The following TAF2 variants were observed in gnomAD, a reference collection of about 807,000 sequenced individuals.
The protein encoded by TAF2 is TATA-box binding protein associated factor 2, also known as transcription initiation factor TFIID subunit 2.
A neutral mutation model predicts 138.5 loss-of-function variants in TAF2; 61 were observed. That is an observed-to-expected ratio of 0.44 (90% CI 0.36 to 0.54). TAF2 has a LOEUF of 0.54. Among genes scored for constraint, TAF2 ranks in the 20% least tolerant of loss-of-function variants. TAF2 has a pLI of 0.00. For synonymous variants in TAF2, 475 were observed against 469.9 expected (o/e 1.01, Z -0.14); for missense variants, 1,090 against 1,427.9 (o/e 0.76, Z 3.81).
Position 119,767,966 on chromosome 8 carries a change from C to T in TAF2, c.2365-5358G>A, listed in dbSNP as rs1031707490. On this transcript the variant is annotated intron_variant, in intron 18 of 25. Coordinates refer to ENST00000378164, the MANE Select transcript of TAF2 (RefSeq NM_003184.4). ...TCGAGGCCAGGGAGAGAGGGGGAGG[C>T]TGAGCACGTTTGCATGTCCCCAACA... Among the ~76,000 whole-genome samples, 4 of 152,206 alleles carry T rather than the reference C, an allele frequency of 2.6e-5. No homozygotes were observed. The East Asian group carries it at 7.7e-4, about 29-fold the overall frequency.
chr8:119,746,609 G>C, intron 23 of TAF2, 96 bp downstream of exon 23: 1 of 1,263,952 alleles, frequency 7.9e-7, no homozygotes, highest in Non-Finnish European at 1.2e-6. Context: ...AACTGTGTTA[G>C]TGGCTATAAA....
chr8:119,806,422 A>G, intron 3 of TAF2, 21 bp from the exon 4 acceptor site: 3 of 1,564,456 alleles, frequency 1.9e-6, no homozygotes, highest in Non-Finnish European at 2.6e-6. Context: ...AAAAGAGCCA[A>G]CTTTTAATAA....
At position 119,765,655 on chromosome 8, in the gene TAF2, A is replaced by AT. The variant is rs1394330880; in HGVS notation, c.2365-3048dup. Among the ~76,000 whole-genome samples, 3 of 152,178 alleles carry AT rather than the reference A, an allele frequency of 2.0e-5. No individual in the cohort carries two copies. The East Asian group carries it at 5.8e-4, about 29-fold the overall frequency. Reference sequence around the variant, plus strand: ...GTCTTTGAAGGTTTTTAAGAAGGGAATTTTTTTAAGGAGGAAAGAAATTCA... The same window carrying AT: ...GTCTTTGAAGGTTTTTAAGAAGGGAATTTTTTTTAAGGAGGAAAGAAATTCA... On this transcript the variant is annotated intron_variant, in intron 18 of 25. Coordinates refer to ENST00000378164, the MANE Select transcript of TAF2 (RefSeq NM_003184.4).
intron 22 of TAF2, among the ~76,000 whole-genome samples, chr8:119,750,327 T>C (rs1820264262): frequency 6.6e-6 from 1 of 151,996 alleles, no homozygotes; most frequent in African/African-American, 2.4e-5. Flanking sequence ...GGTGACAGAG[T>C]GAGACTCCGT....
chr8:119,787,074 A>C (rs1303854000), intron 14 of TAF2, among the ~76,000 whole-genome samples: 3 of 152,204 alleles, frequency 2.0e-5, no homozygotes. Flanking sequence ...GAAACTAAAG[A>C]GTTTCTGCAC....
chr8:119,764,723 A>G (rs1586360433), intron 18 of TAF2, among the ~76,000 whole-genome samples: 2 of 152,200 alleles, frequency 1.3e-5, no homozygotes, highest in Non-Finnish European at 2.9e-5. Context: ...AGTAGAAAGA[A>G]GTATAAAGGA....
rs930640419 is a variant in TAF2, at chr8:119,772,855, T to C, written c.2364+5164A>G. Among the ~76,000 whole-genome samples, 137 of 151,564 alleles carry C rather than the reference T, an allele frequency of 9.0e-4. 1 individual carries two copies. The highest frequency in any genetic ancestry group is 3.1e-3 in the African/African-American group (128 of 41,436). ...AGGAGGCTGAGGCAGGAGAATCACT[T>C]GAACCCAGGAGGTGGAGGTTGCAGT... On this transcript the variant is annotated intron_variant, in intron 18 of 25. Coordinates refer to ENST00000378164, the MANE Select transcript of TAF2 (RefSeq NM_003184.4).
chr8:119,798,875 ACT>A lies in TAF2; in HGVS notation c.793-1031_793-1030del, dbSNP rs1290264716. ...GGCCCAAATTTGTATCATGATTAAC[ACT>A]CTGTTTGTATTAATCATATTTAATC... On this transcript the variant is annotated intron_variant, in intron 6 of 25. Coordinates refer to ENST00000378164, the MANE Select transcript of TAF2 (RefSeq NM_003184.4). 5.9e-5 allele frequency among the ~76,000 whole-genome samples: 9 copies of A among 152,140 alleles called. No individual in the cohort carries two copies. In the South Asian group the frequency reaches 6.2e-4, roughly 11 times the overall value.
intron 3 of TAF2, among the ~76,000 whole-genome samples, chr8:119,814,399 C>T (rs1460731355): frequency 1.3e-5 from 2 of 151,682 alleles, no homozygotes; most frequent in Admixed American, 6.6e-5. Flanking sequence ...TAATTTTAAA[C>T]TCCATGTAGA....
chr8:119,831,842 T>C (rs942734163), intron 1 of TAF2, 111 bp from the exon 2 acceptor site: 10 of 712,170 alleles, frequency 1.4e-5, no homozygotes, highest in South Asian at 2.3e-5. Flanking sequence ...TAATTCAAAA[T>C]TACATGTCAA....
chr8:119,763,657 G>A (rs1320960568), intron 18 of TAF2, among the ~76,000 whole-genome samples: 1 of 152,096 alleles, frequency 6.6e-6, no homozygotes, highest in Non-Finnish European at 1.5e-5. Flanking sequence ...TTGAACCCAG[G>A]AGACGGAGGT....
chr8:119,821,288 G>A (rs1313501724), intron 2 of TAF2, among the ~76,000 whole-genome samples: 1 of 152,112 alleles, frequency 6.6e-6, no homozygotes, highest in Non-Finnish European at 1.5e-5. Context: ...GGGTCATCTA[G>A]CTTCTCACTC....
intron 18 of TAF2, among the ~76,000 whole-genome samples, chr8:119,776,219 T>C (rs562537930): frequency 5.9e-5 from 9 of 152,178 alleles, no homozygotes; most frequent in African/African-American, 1.9e-4. Context: ...AATGAATTAA[T>C]GTATTCTTTT....
chr8:119,737,547 C>T (rs1480968457), intron 25 of TAF2, among the ~76,000 whole-genome samples: 2 of 143,378 alleles, frequency 1.4e-5, no homozygotes, highest in Non-Finnish European at 1.5e-5. Context: ...CTCACTCTGT[C>T]GCCCAGGCTG....
chr8:119,756,326 C>A (rs1416329585), intron 21 of TAF2, among the ~76,000 whole-genome samples: 2 of 152,040 alleles, frequency 1.3e-5, no homozygotes, highest in African/African-American at 4.8e-5. Flanking sequence ...TTCACTAAAA[C>A]ACTCTGGGGT....
chr8:119,777,252 G>A (rs1223486305), intron 18 of TAF2, among the ~76,000 whole-genome samples: 1 of 152,142 alleles, frequency 6.6e-6, no homozygotes, highest in Non-Finnish European at 1.5e-5. Context: ...CATGGATATT[G>A]AGAGATGACT....
At chr8:119,827,681 G>A (rs1016194953) in intron 2 of TAF2, among the ~76,000 whole-genome samples, 1 of 151,946 alleles carries the variant, frequency 6.6e-6, no homozygotes, top group Non-Finnish European at 1.5e-5. Context: ...GAACCAAGGG[G>A]TGAAAGTTGG....
intron 2 of TAF2, among the ~76,000 whole-genome samples, chr8:119,823,248 C>A (rs1167090624): frequency 6.6e-6 from 1 of 152,170 alleles, no homozygotes; most frequent in Non-Finnish European, 1.5e-5. Context: ...ACTGTTCCAA[C>A]TCTCTCTTCC....
intron 25 of TAF2, among the ~76,000 whole-genome samples, chr8:119,739,310 T>C (rs1051867713): frequency 2.0e-5 from 3 of 152,120 alleles, no homozygotes; most frequent in Non-Finnish European, 4.4e-5. Context: ...TTCATCCCTA[T>C]CACCGTGGGA....
Sources: gnomAD v4.1 joint callset for allele counts (sites outside exome capture counted in the v4.1 genomes callset) on GRCh38, gnomAD v4.1.1 for gene constraint, MANE v1.5 for transcripts, NCBI Gene and HGNC (gene_info 2026-07-23, HGNC 2026-07-21) for gene names.